SLC22A8: variants seen among roughly 807,000 people sequenced by gnomAD.
SLC22A8 encodes organic anion transporter 3.
A neutral mutation model predicts 48.4 loss-of-function variants in SLC22A8; 40 were observed. The observed-to-expected ratio is 0.83, with a 90% CI of 0.64 to 1.08. The LOEUF is 1.08. Ranked by LOEUF, SLC22A8 falls within the 50% of genes least tolerant of loss-of-function variation. SLC22A8 has a pLI of 0.00. For missense variants in SLC22A8, 606 were observed against 699.0 expected, an observed-to-expected ratio of 0.87 and a Z score of 1.50; for synonymous variants, 268 against 286.3, an observed-to-expected ratio of 0.94 and a Z score of 0.65.
In SLC22A8 at chr11:62,995,694, G is replaced by C; in HGVS notation, c.1001+10C>G. On this transcript the variant is annotated intron_variant, in intron 7 of 10. Transcript: ENST00000336232. ...CCTTGGCAGGGTGTGGGCAGGGAGA[G>C]GGGGGTTACCAGGCCAGGGAAAGAC... The C allele has an allele frequency of 1.2e-6, 2 of 1,600,088 alleles. No individual in the cohort carries two copies. The highest frequency in any genetic ancestry group is 1.7e-6 in the Non-Finnish European group (2 of 1,167,324).
chr11:62,999,504 AG>A, intron 4 of SLC22A8, 183 bp downstream of exon 4: 1 of 495,440 alleles, frequency 2.0e-6, no homozygotes, highest in South Asian at 4.6e-5. Context: ...CAGTATTGAC[AG>A]CTGCTATTAC....
chr11:63,013,778 A>C (rs1397341357), intron 2 of SLC22A8, among the ~76,000 whole-genome samples: 1 of 152,182 alleles, frequency 6.6e-6, no homozygotes, highest in East Asian at 1.9e-4. Context: ...ATCAAACAAG[A>C]CAGTGTCTAC....
intron 5 of SLC22A8, 28 bp downstream of exon 5, chr11:62,998,893 A>G: frequency 6.3e-7 from 1 of 1,579,908 alleles, no homozygotes; most frequent in Non-Finnish European, 8.7e-7. Flanking sequence ...CACCTAAGGA[A>G]ACAGATGAAG....
chr11:63,007,741 C>T (rs776147329), intron 2 of SLC22A8, among the ~76,000 whole-genome samples: 6 of 152,168 alleles, frequency 3.9e-5, no homozygotes, highest in Non-Finnish European at 7.4e-5. Flanking sequence ...TCTGTATGGG[C>T]TGATGCATCA....
Position 62,993,590 on chromosome 11 carries a change from C to A in SLC22A8, c.1363G>T (p.Val455Leu). The part of the protein sequence containing the change: ...GMGVSNLWTR[V>L]GSMVSPLVKI... Reference sequence around the variant, plus strand: ...ACCAGCGGGGACACCATGCTTCCCACGCGGGTCCACAGGTTACTTACGCCC... The same window carrying A: ...ACCAGCGGGGACACCATGCTTCCCAAGCGGGTCCACAGGTTACTTACGCCC... The change falls in exon 10 of 11, where the codon GTG becomes TTG. Residue 455 changes from valine (V) to leucine (L), a missense_variant. Transcript: ENST00000336232. The A allele has an allele frequency of 6.2e-7, 1 of 1,612,830 alleles. No individual in the cohort carries two copies. The highest frequency in any genetic ancestry group is 1.7e-5 in the Admixed American group (1 of 59,980).
At position 62,993,203 on chromosome 11, in the gene SLC22A8, C is replaced by T; in HGVS notation, c.*34G>A. On this transcript the variant is annotated 3_prime_UTR_variant, in exon 11 of 11. Coordinates refer to ENST00000336232, the MANE Select transcript of SLC22A8 (RefSeq NM_004254.4). ...CCTAAGGTGCCTGGCTAGGATCAGT[C>T]TCTGGAGGGCAGGGAAAGGGGGTTC... 3 of 1,551,802 alleles carry T rather than the reference C, an allele frequency of 1.9e-6. No homozygotes were observed. Among genetic ancestry groups the T allele is most frequent in the Non-Finnish European group, 2.7e-6 (3 of 1,130,336 alleles).
chr11:63,000,953 C>A, intron 2 of SLC22A8, 130 bp from the exon 3 acceptor site: 1 of 687,652 alleles, frequency 1.5e-6, no homozygotes, highest in Admixed American at 2.2e-5. Context: ...TCCCAAGGAC[C>A]GTTTCCTTTT....
chr11:63,000,915 C>T (rs2086486409), intron 2 of SLC22A8, 92 bp from the exon 3 acceptor site: 1 of 946,490 alleles, frequency 1.1e-6, no homozygotes, highest in Admixed American at 1.8e-5. Context: ...TGGGCTTCCT[C>T]TCCCAGCGCC....
At chr11:62,998,631 A>G (rs1412427869) in intron 5 of SLC22A8, among the ~76,000 whole-genome samples, 4 of 152,096 alleles carry the variant, frequency 2.6e-5, no homozygotes, top group African/African-American at 4.8e-5. Flanking sequence ...CTCCATATGA[A>G]GTCCAGGCCC....
chr11:63,003,492 A>T (rs1294135298), intron 2 of SLC22A8, among the ~76,000 whole-genome samples: 1 of 152,124 alleles, frequency 6.6e-6, no homozygotes, highest in Non-Finnish European at 1.5e-5. Context: ...TAAAGGAAGA[A>T]GCAAGGGGGT....
intron 2 of SLC22A8, 121 bp downstream of exon 2, chr11:63,014,505 G>T: frequency 1.2e-6 from 1 of 853,264 alleles, no homozygotes; most frequent in Non-Finnish European, 1.8e-6. Flanking sequence ...CTCTTTGCCT[G>T]CCCAGTGACC....
Position 62,993,891 on chromosome 11 carries a change from G to C in SLC22A8, c.1217-13C>G. ...ACGGTCTGCAAGTCTGCAGAGGGAA[G>C]AAAATGTGGTGGGCCTTGGAGTTCA... On this transcript the variant is annotated splice_polypyrimidine_tract_variant and intron_variant, in intron 8 of 10. Transcript: ENST00000336232. The C allele has an allele frequency of 1.3e-6, 2 of 1,553,534 alleles. No homozygotes were observed. The highest frequency in any genetic ancestry group is 1.8e-6 in the Non-Finnish European group (2 of 1,124,698).
chr11:62,995,733 G>A lies in SLC22A8; in HGVS notation c.972C>T (p.Arg324=). 1 of 1,614,058 alleles carries A rather than the reference G, an allele frequency of 6.2e-7. No homozygotes were observed. The stretch of plus-strand genomic sequence containing the variant: ...CCAGGGAAAGACAGAAGGTCATGCG[G>A]CGCAGCATGGGTATCCGGAACAGGT... ...ASDLFRIPML[R]RMTFCLSLAW... Residue 324 remains arginine, a synonymous_variant, in exon 7 of 11, where the codon CGC becomes CGT. Transcript: ENST00000336232.
chr11:63,006,623 T>TTTTTTTTTTTTTTTTTTTG (rs1317151675), intron 2 of SLC22A8, among the ~76,000 whole-genome samples: 2 of 127,804 alleles, frequency 1.6e-5, no homozygotes, highest in African/African-American at 7.0e-5. Context: ...TTTTTTTTTT[T>TTTTTTTTTTTTTTTTTTTG]TTGAGACAGA....
intron 2 of SLC22A8, among the ~76,000 whole-genome samples, chr11:63,002,228 A>T (rs913342208): frequency 3.3e-5 from 5 of 152,082 alleles, no homozygotes; most frequent in Middle Eastern, 3.4e-3. Flanking sequence ...ATTTTTATTT[A>T]AAAAAAATTA....
In SLC22A8 at chr11:62,993,204, T is replaced by C. The variant is rs1011311971; in HGVS notation, c.*33A>G. On this transcript the variant is annotated 3_prime_UTR_variant, in exon 11 of 11. Transcript: ENST00000336232. ...CTAAGGTGCCTGGCTAGGATCAGTC[T>C]CTGGAGGGCAGGGAAAGGGGGTTCC... is the stretch of plus-strand genomic sequence containing the variant. 5 of 1,553,506 alleles carry C rather than the reference T, an allele frequency of 3.2e-6. No individual in the cohort carries two copies. Among genetic ancestry groups the C allele is most frequent in the Non-Finnish European group, 4.4e-6 (5 of 1,131,510 alleles).
At position 62,993,517 on chromosome 11, in the gene SLC22A8, C is replaced by A; in HGVS notation, c.1436G>T (p.Gly479Val). The A allele has an allele frequency of 6.2e-7, 1 of 1,614,170 alleles. No individual in the cohort carries two copies. The highest frequency in any genetic ancestry group is 8.5e-7 in the Non-Finnish European group (1 of 1,180,030). The change falls in exon 10 of 11, where the codon GGG becomes GTG. Residue 479 changes from glycine (G) to valine (V), a missense_variant. By Grantham distance (109) the Gly-to-Val change is moderately radical. Coordinates refer to ENST00000336232, the MANE Select transcript of SLC22A8 (RefSeq NM_004254.4). ...VQPFIPNIIY[G>V]ITALLGGSAA... is the part of the protein sequence containing the mutation. ...ACTGCCCCCGAGGAGGGCGGTGATC[C>A]CGTAGATGATATTGGGGATGAAGGG...
chr11:62,994,115 C>T (rs2086379639), intron 8 of SLC22A8: 1 of 572,068 alleles, frequency 1.7e-6, no homozygotes, highest in Non-Finnish European at 3.1e-6. Flanking sequence ...TCTTAAAATA[C>T]CTCAAGTTCT....
rs143591944 is a variant in SLC22A8, at chr11:63,010,162, C to T, written c.333+4464G>A. On this transcript the variant is annotated intron_variant, in intron 2 of 10. Transcript: ENST00000336232. The stretch of plus-strand genomic sequence containing the variant: ...GGCCCTGGGCTCAGTACTGTGCTTG[C>T]GTTATCCCCGTTCACCCTCACACTT... 4.7e-3 allele frequency among the ~76,000 whole-genome samples: 718 copies of T among 152,278 alleles called. 1 individual carries two copies. Among genetic ancestry groups the T allele is most frequent in the Middle Eastern group, 0.01 (3 of 294 alleles).
Sources: allele counts gnomAD v4.1 joint callset (sites outside exome capture counted in the v4.1 genomes callset), GRCh38; gene constraint gnomAD v4.1.1; transcripts MANE v1.5; gene names NCBI Gene and HGNC (gene_info 2026-07-23, HGNC 2026-07-21).